Variants in LINGO2 observed in about 807,000 individuals in gnomAD.
LINGO2 encodes leucine rich repeat and Ig domain containing 2, also known as leucine-rich repeat and immunoglobulin-like domain-containing nogo receptor-interacting protein 2.
LINGO2 carries 14 observed loss-of-function variants against 30.6 expected under a neutral mutation model. The ratio of observed to expected loss-of-function variants is 0.46; its 90% CI spans 0.30 to 0.72. The LOEUF (loss-of-function observed/expected upper bound fraction) is 0.72. Among genes scored for constraint, LINGO2 ranks in the 30% least tolerant of loss-of-function variants. The probability of loss-of-function intolerance (pLI) is 0.07; values close to 1 mark genes in which losing one functional copy is unlikely to be tolerated. For missense variants in LINGO2, 729 were observed against 751.7 expected (o/e 0.97, Z 0.35); for synonymous variants, 317 against 288.5 (o/e 1.10, Z -1.00).
chr9:28,082,100 C>T (rs998596590), intron 4 of LINGO2, among the ~76,000 whole-genome samples: 3 of 152,136 alleles, frequency 2.0e-5, no homozygotes, highest in Non-Finnish European at 2.9e-5. Flanking sequence ...AACTTTGTTT[C>T]GTTGAGGTCT....
At chr9:28,359,282 T>C (rs1820352052) in intron 3 of LINGO2, among the ~76,000 whole-genome samples, 1 of 152,184 alleles carries the variant, frequency 6.6e-6, no homozygotes, top group Non-Finnish European at 1.5e-5. Flanking sequence ...CCTCACTGGA[T>C]GCAGACAGTG....
At chr9:28,439,022 T>C (rs1824079126) in intron 2 of LINGO2, among the ~76,000 whole-genome samples, 1 of 147,414 alleles carries the variant, frequency 6.8e-6, no homozygotes, top group African/African-American at 2.5e-5. Flanking sequence ...GAAATACAGA[T>C]ATCTATACAT....
the LINGO2 span, among the ~76,000 whole-genome samples, chr9:28,774,233 A>G: frequency 6.6e-6 from 1 of 152,210 alleles, no homozygotes; most frequent in Admixed American, 6.5e-5. Flanking sequence ...AGTTTTCTAC[A>G]CAATATAAGG....
At chr9:28,857,480 A>G in the LINGO2 span, among the ~76,000 whole-genome samples, 2 of 152,046 alleles carry the variant, frequency 1.3e-5, no homozygotes, top group Non-Finnish European at 2.9e-5. Flanking sequence ...GGTCACCTAC[A>G]GGGATTAAGT....
chr9:29,072,373 T>C, the LINGO2 span, among the ~76,000 whole-genome samples: 44 of 151,932 alleles, frequency 2.9e-4, no homozygotes, highest in Admixed American at 1.4e-3. Context: ...ATGATGGGAA[T>C]GTTCAAAAAC....
At chr9:28,838,039 T>C in the LINGO2 span, among the ~76,000 whole-genome samples, 1 of 152,120 alleles carries the variant, frequency 6.6e-6, no homozygotes, top group South Asian at 2.1e-4. Flanking sequence ...TTGAAAATCA[T>C]CAAATACTTT....
At chr9:27,998,596 T>C (rs1460122227) in intron 5 of LINGO2, among the ~76,000 whole-genome samples, 2 of 152,108 alleles carry the variant, frequency 1.3e-5, no homozygotes, top group Non-Finnish European at 2.9e-5. Flanking sequence ...CTGGCCAACA[T>C]TGTGAAACCC....
chr9:28,088,620 C>A (rs1975687), intron 4 of LINGO2, among the ~76,000 whole-genome samples: 3,743 of 151,558 alleles, frequency 0.025, 86 homozygotes, highest in Non-Finnish European at 0.037. Context: ...GCCTTTAGCA[C>A]GGGATTAAGA....
intron 4 of LINGO2, among the ~76,000 whole-genome samples, chr9:28,060,553 C>G (rs372090275): frequency 1.6e-4 from 25 of 152,130 alleles, no homozygotes; most frequent in South Asian, 6.2e-4. Flanking sequence ...GTAAGTAAAT[C>G]TGTGATTTTA....
At chr9:28,501,870 A>C (rs1158416736) in intron 1 of LINGO2, among the ~76,000 whole-genome samples, 1 of 152,174 alleles carries the variant, frequency 6.6e-6, no homozygotes, top group African/African-American at 2.4e-5. Flanking sequence ...CAAATTGCCA[A>C]TAAATAGCTA....
intron 1 of LINGO2, among the ~76,000 whole-genome samples, chr9:28,634,332 G>T (rs77604240): frequency 6.6e-6 from 1 of 151,920 alleles, no homozygotes; most frequent in Non-Finnish European, 1.5e-5. Context: ...AGTTGCATAA[G>T]TTCTCTAGAG....
At chr9:28,000,859 A>C (rs1380499616) in intron 5 of LINGO2, among the ~76,000 whole-genome samples, 1 of 152,230 alleles carries the variant, frequency 6.6e-6, no homozygotes, top group Non-Finnish European at 1.5e-5. Flanking sequence ...CTGTACTGTG[A>C]AGTACCTAAA....
the LINGO2 span, among the ~76,000 whole-genome samples, chr9:28,835,218 T>G: frequency 1.3e-5 from 2 of 152,170 alleles, no homozygotes; most frequent in Non-Finnish European, 2.9e-5. Context: ...CAAAAGATTC[T>G]TGATATATAT....
chr9:29,007,911 G>C, the LINGO2 span, among the ~76,000 whole-genome samples: 155 of 151,994 alleles, frequency 1.0e-3, no homozygotes, highest in Non-Finnish European at 1.5e-3. Context: ...CTTGAAAGCC[G>C]TAATATTTGT....
the LINGO2 span, among the ~76,000 whole-genome samples, chr9:28,839,448 C>A: frequency 6.6e-6 from 1 of 152,060 alleles, no homozygotes; most frequent in African/African-American, 2.4e-5. Context: ...TAACTCCTAT[C>A]TGCAAGCAGA....
chr9:28,512,580 G>GATAT (rs1820433358), intron 1 of LINGO2, among the ~76,000 whole-genome samples: 6 of 87,132 alleles, frequency 6.9e-5, no homozygotes, highest in South Asian at 4.1e-4. Flanking sequence ...GAACTAACAG[G>GATAT]ATATATATGT....
chr9:27,962,241 G>A (rs904629321), intron 5 of LINGO2, among the ~76,000 whole-genome samples: 1 of 146,496 alleles, frequency 6.8e-6, no homozygotes, highest in South Asian at 2.5e-4. Context: ...TGTCTTATTT[G>A]GCAGAATTTG....
chr9:28,494,476 T>C (rs556079862), intron 1 of LINGO2, among the ~76,000 whole-genome samples: 1 of 152,338 alleles, frequency 6.6e-6, no homozygotes, highest in East Asian at 1.9e-4. Context: ...TGTTTGTTTT[T>C]TTGTCCCTGA....
chr9:28,459,947 ATTATT>A, intron 2 of LINGO2, among the ~76,000 whole-genome samples: 1 of 152,298 alleles, frequency 6.6e-6, no homozygotes, highest in South Asian at 2.1e-4. Flanking sequence ...ATTTCAAAAA[ATTATT>A]TTAATAAGGT....
Sources: gnomAD v4.1 joint callset for allele counts (sites outside exome capture counted in the v4.1 genomes callset) on GRCh38, gnomAD v4.1.1 for gene constraint, MANE v1.5 for transcripts, NCBI Gene and HGNC (gene_info 2026-07-23, HGNC 2026-07-21) for gene names.